The following ATP8B1 variants were observed in gnomAD, a reference collection of about 807,000 sequenced individuals.
ATP8B1 encodes the protein ATPase phospholipid transporting 8B1, also known as phospholipid-transporting ATPase IC.
ATP8B1 carries 80 observed loss-of-function variants against 149.9 expected under a neutral mutation model. The observed-to-expected ratio is 0.53, with a 90% confidence interval of 0.45 to 0.64. ATP8B1 has a LOEUF of 0.64. ATP8B1 is among the 30% of genes least tolerant of loss of function. The pLI is 0.00. For missense variants in ATP8B1, 1,247 were observed against 1,552.6 expected, an observed-to-expected ratio of 0.80 and a Z score of 3.31; for synonymous variants, 536 against 562.8, an observed-to-expected ratio of 0.95 and a Z score of 0.67.
intron 2 of ATP8B1, among the ~76,000 whole-genome samples, chr18:57,716,712 T>C (rs974002843): frequency 1.8e-4 from 27 of 152,320 alleles, no homozygotes; most frequent in African/African-American, 5.8e-4. Flanking sequence ...AAGAGAGTGA[T>C]AGACCCCAGT....
intron 15 of ATP8B1, 79 bp from the exon 16 acceptor site, chr18:57,675,101 T>C: frequency 6.8e-7 from 1 of 1,467,698 alleles, no homozygotes; most frequent in Non-Finnish European, 9.4e-7. Context: ...CTGCTGAGGC[T>C]CCTGTGGGGG....
At chr18:57,672,801 G>A (rs1911283216) in intron 16 of ATP8B1, among the ~76,000 whole-genome samples, 2 of 146,078 alleles carry the variant, frequency 1.4e-5, no homozygotes, top group Non-Finnish European at 3.0e-5. Flanking sequence ...GGGAGGTAGA[G>A]GTTGCAGTGA....
chr18:57,688,470 T>G lies in ATP8B1; in HGVS notation c.1258A>C (p.Asn420His), dbSNP rs1324867435. 1.2e-6 allele frequency: 2 copies of G among 1,614,190 alleles called. No individual in the cohort carries two copies. Among genetic ancestry groups the G allele is most frequent in the Admixed American group, 1.7e-5 (1 of 60,008 alleles). Residue 420 changes from asparagine to histidine, a missense_variant, in exon 13 of 28, where the codon AAC becomes CAC. By Grantham distance (68) the Asn-to-His change is moderately conservative. Transcript: ENST00000648908. ...VIRLGQSHFI[N>H]WDLQMYYAEK... is the part of the protein sequence containing the mutation. Reference sequence around the variant, plus strand: ...GCATAGTACATTTGCAGGTCCCAGTTGATGAAGTGACTCTGTCCAAGACGA... The same window carrying G: ...GCATAGTACATTTGCAGGTCCCAGTGGATGAAGTGACTCTGTCCAAGACGA...
In ATP8B1 at chr18:57,802,689, G is replaced by A. The variant is rs1039882805; in HGVS notation, c.-26+309C>T. On this transcript the variant is annotated intron_variant, in intron 1 of 27. Coordinates refer to ENST00000648908, the MANE Select transcript of ATP8B1 (RefSeq NM_001374385.1). This position sits in a 1 kb window ranked among gnomAD's most constrained non-coding sequence, Gnocchi z 4.9. ...GGCTTAACCCCCGGACATGTGTGTC[G>A]CTACCGATCGAAGAACCCAAACACC... Among the ~76,000 whole-genome samples, 1 of 152,216 alleles carries A rather than the reference G, an allele frequency of 6.6e-6. No individual in the cohort carries two copies. The highest frequency in any genetic ancestry group is 1.5e-5 in the Non-Finnish European group (1 of 68,036).
In ATP8B1 at chr18:57,694,622, C is replaced by A. The variant is rs983363281; in HGVS notation, c.989G>T (p.Arg330Ile). 4 of 1,594,928 alleles carry A rather than the reference C, an allele frequency of 2.5e-6. No homozygotes were observed. Among genetic ancestry groups the A allele is most frequent in the Non-Finnish European group, 3.4e-6 (4 of 1,162,866 alleles). The change falls in exon 11 of 28, where the codon AGA becomes ATA. Residue 330 changes from arginine (R) to isoleucine (I), a missense_variant. Arg to Ile is a moderately conservative substitution (Grantham distance 97). Transcript: ENST00000648908. ...GTTCATCAAGTAATCAATTTTAGTT[C>A]TTTTAAATCTGGTTTTCCCACTATT... ...MKNSGKTRFK[R>I]TKIDYLMNYM...
At chr18:57,693,650 G>A (rs1342412908) in intron 11 of ATP8B1, among the ~76,000 whole-genome samples, 2 of 152,092 alleles carry the variant, frequency 1.3e-5, no homozygotes, top group East Asian at 1.9e-4. Flanking sequence ...GGAGATTGCA[G>A]TGAGCCAAGA....
chr18:57,735,099 C>A (rs1174065427), intron 1 of ATP8B1: 1 of 152,554 alleles, frequency 6.6e-6, no homozygotes, highest in East Asian at 1.9e-4. Flanking sequence ...TGGGTCCCCT[C>A]CTTGTATGGG....
At chr18:57,704,070 G>A (rs2941015) in intron 4 of ATP8B1, among the ~76,000 whole-genome samples, 66,644 of 151,772 alleles carry the variant, frequency 0.44, 15,296 homozygotes, top group East Asian at 0.68. Context: ...GGGTTCAAGC[G>A]ATTCTCTTGC....
intron 15 of ATP8B1, among the ~76,000 whole-genome samples, chr18:57,677,031 C>A (rs1911640651): frequency 6.6e-6 from 1 of 152,030 alleles, no homozygotes; most frequent in African/African-American, 2.4e-5. Context: ...AAAGAAAAAA[C>A]CAATAAGAAG....
chr18:57,674,160 C>T (rs1168438224), intron 16 of ATP8B1, among the ~76,000 whole-genome samples: 12 of 141,376 alleles, frequency 8.5e-5, no homozygotes, highest in Admixed American at 7.1e-4. Flanking sequence ...GCAGGAGACT[C>T]GCTTGAACCT....
At chr18:57,764,245 GCCTTCCTTCCTTCCTTCTTT>G in intron 1 of ATP8B1, among the ~76,000 whole-genome samples, 1 of 151,916 alleles carries the variant, frequency 6.6e-6, no homozygotes, top group Middle Eastern at 3.4e-3. Flanking sequence ...CAGGGAGCCT[GCCTTCCTTCCTTCCTTCTTT>G]CCTTCCTTCC....
chr18:57,717,641 T>C (rs951935545), intron 2 of ATP8B1, among the ~76,000 whole-genome samples: 24 of 92,190 alleles, frequency 2.6e-4, no homozygotes, highest in African/African-American at 8.0e-4. Flanking sequence ...AGAAAAGAAA[T>C]AATAAAGATC....
At chr18:57,690,751 T>C (rs559481563) in intron 12 of ATP8B1, among the ~76,000 whole-genome samples, 1 of 152,360 alleles carries the variant, frequency 6.6e-6, no homozygotes, top group East Asian at 1.9e-4. Context: ...GTGTATGTGA[T>C]TCCTATGTCT....
intron 22 of ATP8B1, among the ~76,000 whole-genome samples, chr18:57,657,564 C>G (rs1910088572): frequency 6.6e-6 from 1 of 152,178 alleles, no homozygotes; most frequent in Admixed American, 6.5e-5. Flanking sequence ...GTGATGTATC[C>G]AAACCTACGT....
intron 27 of ATP8B1, among the ~76,000 whole-genome samples, chr18:57,649,222 A>ATCTATCTATCTATCTATC (rs1568177126): frequency 1.2e-4 from 4 of 32,886 alleles, no homozygotes; most frequent in East Asian, 8.9e-4. Flanking sequence ...ATCTATCTAT[A>ATCTATCTATCTATCTATC]TCGACATATA....
chr18:57,679,916 C>G (rs1484489498), intron 15 of ATP8B1, among the ~76,000 whole-genome samples: 1 of 152,004 alleles, frequency 6.6e-6, no homozygotes, highest in Non-Finnish European at 1.5e-5. Flanking sequence ...CCGCCTACCT[C>G]AGACTCCCAA....
chr18:57,667,003 A>G (rs1456964637), intron 20 of ATP8B1, 89 bp downstream of exon 20: 22 of 1,231,730 alleles, frequency 1.8e-5, no homozygotes, highest in South Asian at 2.5e-5. Flanking sequence ...CGTAACCCCT[A>G]TTTCTTCATA....
intron 19 of ATP8B1, chr18:57,667,434 G>T: frequency 2.2e-6 from 1 of 451,300 alleles, no homozygotes; most frequent in South Asian, 2.2e-5. Context: ...TGTCATGTTT[G>T]CCAGGCTCAT....
At chr18:57,797,712 T>TC (rs2080528839) in intron 1 of ATP8B1, among the ~76,000 whole-genome samples, 1 of 141,364 alleles carries the variant, frequency 7.1e-6, no homozygotes, top group African/African-American at 2.6e-5. Flanking sequence ...TCTTTTTTTT[T>TC]TTTTTTTTTT....
Sources: allele counts gnomAD v4.1 joint callset (sites outside exome capture counted in the v4.1 genomes callset), GRCh38; gene constraint gnomAD v4.1.1; non-coding constraint Gnocchi (gnomAD v3.1); transcripts MANE v1.5; gene names NCBI Gene and HGNC (gene_info 2026-07-23, HGNC 2026-07-21).